The following AFF3 variants were observed in gnomAD, a reference collection of about 807,000 sequenced individuals.
AFF3 encodes ALF transcription elongation factor 3, also known as AF4/FMR2 family member 3.
In AFF3, 32 loss-of-function variants were observed where a neutral mutation model predicts 129.7. That is an observed-to-expected ratio of 0.25 (90% CI 0.19 to 0.33). The LOEUF is 0.33. Ranked by LOEUF, AFF3 falls within the 10% of genes least tolerant of loss-of-function variation. The probability of loss-of-function intolerance (pLI) is 1.00; values close to 1 mark genes in which losing one functional copy is unlikely to be tolerated. For synonymous variants in AFF3, 644 were observed against 635.4 expected, an observed-to-expected ratio of 1.01 and a Z score of -0.20; for missense variants, 1,373 against 1,592.0, an observed-to-expected ratio of 0.86 and a Z score of 2.34.
At position 99,994,906 on chromosome 2, in the gene AFF3, T is replaced by C. The variant is rs183701402; in HGVS notation, c.873+11726A>G. On this transcript the variant is annotated intron_variant, in intron 7 of 24. Transcript: ENST00000672756. The stretch of plus-strand genomic sequence containing the variant: ...AGTCCAGACATCAGGGACAAAATTA[T>C]TAGAGCTGGAGTACCAGCTCTAATA... Among the ~76,000 whole-genome samples the C allele has an allele frequency of 1.8e-3, 274 of 152,310 alleles. 2 individuals are homozygous for C. Among genetic ancestry groups the C allele is most frequent in the African/African-American group, 6.2e-3 (257 of 41,584 alleles).
intron 2 of AFF3, among the ~76,000 whole-genome samples, chr2:100,123,475 G>A (rs536745211): frequency 6.6e-6 from 1 of 152,284 alleles, no homozygotes; most frequent in East Asian, 1.9e-4. Context: ...ACATTGAAAT[G>A]TGTTGGGTTT....
intron 14 of AFF3, among the ~76,000 whole-genome samples, chr2:99,595,400 C>T (rs535785172): frequency 3.3e-5 from 5 of 152,196 alleles, no homozygotes; most frequent in East Asian, 1.9e-4. Context: ...CTTTCGAATT[C>T]GTGGCATCCA....
At chr2:99,896,563 G>C (rs1163819266) in intron 7 of AFF3, among the ~76,000 whole-genome samples, 1 of 137,674 alleles carries the variant, frequency 7.3e-6, no homozygotes, top group Non-Finnish European at 1.5e-5. Flanking sequence ...TAAGTGAAAT[G>C]ACTCTAAATT....
At chr2:99,881,569 A>C (rs114607317) in intron 7 of AFF3, among the ~76,000 whole-genome samples, 2,024 of 152,202 alleles carry the variant, frequency 0.013, 42 homozygotes, top group African/African-American at 0.046. Flanking sequence ...CTCCAGTACT[A>C]TGGGATTGGT....
intron 7 of AFF3, among the ~76,000 whole-genome samples, chr2:99,848,954 T>C (rs1287176238): frequency 2.6e-5 from 4 of 152,068 alleles, no homozygotes; most frequent in African/African-American, 7.2e-5. Flanking sequence ...GAGTAAATGA[T>C]ACAGACTACT....
chr2:99,943,370 T>A (rs1329242704), intron 7 of AFF3, among the ~76,000 whole-genome samples: 1 of 152,194 alleles, frequency 6.6e-6, no homozygotes, highest in Non-Finnish European at 1.5e-5. Context: ...GATGATGACA[T>A]CCCTAATCTT....
intron 7 of AFF3, among the ~76,000 whole-genome samples, chr2:99,965,119 G>A (rs139524042): frequency 1.2e-3 from 178 of 152,270 alleles, no homozygotes; most frequent in Non-Finnish European, 2.3e-3. Context: ...TAAACCACGC[G>A]AAATGAACAG....
At chr2:99,947,434 C>A (rs985905045) in intron 7 of AFF3, among the ~76,000 whole-genome samples, 4 of 149,418 alleles carry the variant, frequency 2.7e-5, no homozygotes, top group African/African-American at 5.0e-5. Context: ...CAGAGTGAGA[C>A]CCCCTCCAAA....
chr2:100,044,026 C>T (rs941572595), intron 4 of AFF3, among the ~76,000 whole-genome samples: 2 of 152,184 alleles, frequency 1.3e-5, no homozygotes, highest in East Asian at 1.9e-4. Flanking sequence ...TGCACCTGAG[C>T]GTCTCCATCT....
chr2:99,568,975 TA>T (rs1676236886), intron 18 of AFF3, 60 bp from the exon 19 acceptor site: 1 of 1,474,958 alleles, frequency 6.8e-7, no homozygotes, highest in East Asian at 2.3e-5. Flanking sequence ...CTTTTTAAAA[TA>T]TTCCTTCCTT....
intron 4 of AFF3, among the ~76,000 whole-genome samples, chr2:100,089,499 AC>A (rs1389129620): frequency 2.6e-4 from 4 of 15,274 alleles, no homozygotes; most frequent in African/African-American, 8.3e-4. Flanking sequence ...ACTTTCAAAG[AC>A]AATTTCCCTA....
intron 13 of AFF3, among the ~76,000 whole-genome samples, chr2:99,629,105 G>A (rs1682887507): frequency 6.6e-6 from 1 of 152,150 alleles, no homozygotes; most frequent in African/African-American, 2.4e-5. Context: ...TGATCCACCT[G>A]CCTCGGCCTC....
rs145348889 is a variant in AFF3, at chr2:100,070,897, T to A, written c.53+33505A>T. Among the ~76,000 whole-genome samples the A allele has an allele frequency of 1.9e-3, 288 of 152,312 alleles. 3 individuals are homozygous for A. The highest frequency in any genetic ancestry group is 6.4e-3 in the African/African-American group (267 of 41,568). Reference sequence around the variant, plus strand: ...CCTTTTTTTGTATTGCAAATTGCCATCTCTAGTGAACTTGCGTGATAATTT... The same window carrying A: ...CCTTTTTTTGTATTGCAAATTGCCAACTCTAGTGAACTTGCGTGATAATTT... On this transcript the variant is annotated intron_variant, in intron 4 of 24. Coordinates refer to ENST00000672756, the MANE Select transcript of AFF3 (RefSeq NM_001386135.1).
Position 99,973,374 on chromosome 2 carries a change from G to T in AFF3, c.873+33258C>A, listed in dbSNP as rs75007790. ...TTCTACTGTGTTGACATTGTTTTAA[G>T]CAAGGTGGGAAAAGAGAACAGATAA... On this transcript the variant is annotated intron_variant, in intron 7 of 24. Coordinates refer to ENST00000672756, the MANE Select transcript of AFF3 (RefSeq NM_001386135.1). Among the ~76,000 whole-genome samples the T allele has an allele frequency of 7.5e-3, 1,141 of 152,264 alleles. 16 individuals carry two copies. Among genetic ancestry groups the T allele is most frequent in the African/African-American group, 0.026 (1,073 of 41,536 alleles).
chr2:99,591,653 A>G (rs1041619218), intron 15 of AFF3, among the ~76,000 whole-genome samples: 1 of 152,188 alleles, frequency 6.6e-6, no homozygotes, highest in African/African-American at 2.4e-5. Flanking sequence ...CCCCTTCTCA[A>G]TCAGGGATTC....
Position 99,551,404 on chromosome 2 carries a change from T to C in AFF3, c.*70A>G, listed in dbSNP as rs892165378. ...TAAATGCTGTGGCTGGGAGTTTCAG[T>C]AGCACAGTGTCCAAAAACGTTGAGC... On this transcript the variant is annotated 3_prime_UTR_variant, in exon 25 of 25. Coordinates refer to ENST00000672756, the MANE Select transcript of AFF3 (RefSeq NM_001386135.1). 1 of 1,591,912 alleles carries C rather than the reference T, an allele frequency of 6.3e-7. No individual in the cohort carries two copies. The highest frequency in any genetic ancestry group is 8.6e-7 in the Non-Finnish European group (1 of 1,166,634).
intron 2 of AFF3, chr2:100,107,037 G>A (rs1265632690): frequency 5.1e-6 from 5 of 985,402 alleles, no homozygotes; most frequent in African/African-American, 1.7e-5. Context: ...ATTGCAAGGC[G>A]GGTATTTAAA....
At chr2:99,743,785 T>C (rs906208729) in intron 10 of AFF3, among the ~76,000 whole-genome samples, 2 of 152,152 alleles carry the variant, frequency 1.3e-5, no homozygotes, top group Non-Finnish European at 2.9e-5. Context: ...AGACAACCAA[T>C]TATGTGCCTT....
At chr2:99,804,408 T>G (rs1320686173) in intron 8 of AFF3, among the ~76,000 whole-genome samples, 1 of 152,170 alleles carries the variant, frequency 6.6e-6, no homozygotes, top group Non-Finnish European at 1.5e-5. Flanking sequence ...ACAGCCAGAA[T>G]GGCAGTTATT....
Sources: gnomAD v4.1 joint callset for allele counts (sites outside exome capture counted in the v4.1 genomes callset) on GRCh38, gnomAD v4.1.1 for gene constraint, MANE v1.5 for transcripts, NCBI Gene and HGNC (gene_info 2026-07-23, HGNC 2026-07-21) for gene names.